NETO2: variants seen among roughly 807,000 people sequenced by gnomAD.
NETO2 encodes the protein neuropilin and tolloid-like protein 2.
In NETO2, 28 loss-of-function variants were observed where a neutral mutation model predicts 62.5. The observed-to-expected ratio is 0.45, with a 90% CI of 0.33 to 0.61. NETO2 has a LOEUF of 0.61. Among genes scored for constraint, NETO2 ranks in the 20% least tolerant of loss-of-function variants. NETO2 has a pLI of 0.02. For synonymous variants in NETO2, 214 were observed against 219.1 expected (o/e 0.98, Z 0.21); for missense variants, 548 against 643.2 (o/e 0.85, Z 1.60).
At chr16:47,138,975 G>A (rs1238746321) in intron 1 of NETO2, among the ~76,000 whole-genome samples, 1 of 152,176 alleles carries the variant, frequency 6.6e-6, no homozygotes, top group Non-Finnish European at 1.5e-5. Flanking sequence ...CTGTTGTTCA[G>A]GTCTTGTGAG....
At chr16:47,129,186 A>G in intron 3 of NETO2, 38 bp downstream of exon 3, 1 of 1,590,262 alleles carries the variant, frequency 6.3e-7, no homozygotes. Context: ...TTTACAATAA[A>G]GTAAAAATTC....
chr16:47,108,299 T>C (rs1963715872), intron 7 of NETO2, among the ~76,000 whole-genome samples: 1 of 152,126 alleles, frequency 6.6e-6, no homozygotes, highest in Non-Finnish European at 1.5e-5. Context: ...CAATGGATGC[T>C]AAAATTAGTG....
chr16:47,106,077 T>A (rs1393783404), intron 7 of NETO2, among the ~76,000 whole-genome samples: 1 of 152,106 alleles, frequency 6.6e-6, no homozygotes, highest in Non-Finnish European at 1.5e-5. Context: ...TATTTAGCCT[T>A]AAAAAAGAAT....
At chr16:47,131,209 C>T (rs1444382816) in intron 2 of NETO2, among the ~76,000 whole-genome samples, 1 of 151,966 alleles carries the variant, frequency 6.6e-6, no homozygotes, top group Non-Finnish European at 1.5e-5. Flanking sequence ...GGTACGAGAA[C>T]ACTCAAATAT....
intron 7 of NETO2, among the ~76,000 whole-genome samples, chr16:47,095,749 A>G (rs1328837331): frequency 1.3e-5 from 2 of 152,206 alleles, no homozygotes; most frequent in African/African-American, 2.4e-5. Flanking sequence ...AATAAAGGAT[A>G]GAATGACCAG....
intron 6 of NETO2, among the ~76,000 whole-genome samples, chr16:47,121,980 T>C (rs956391856): frequency 3.3e-5 from 5 of 152,208 alleles, no homozygotes; most frequent in African/African-American, 1.2e-4. Context: ...TATTACCCAA[T>C]CTTTAAATCT....
At chr16:47,132,413 G>A (rs1964284242) in intron 1 of NETO2, among the ~76,000 whole-genome samples, 1 of 151,996 alleles carries the variant, frequency 6.6e-6, no homozygotes, top group Non-Finnish European at 1.5e-5. Context: ...TCTGCAGTGT[G>A]CTATGGCAGT....
At chr16:47,126,364 T>C (rs1356031234) in intron 4 of NETO2, among the ~76,000 whole-genome samples, 2 of 152,184 alleles carry the variant, frequency 1.3e-5, no homozygotes, top group Non-Finnish European at 2.9e-5. Flanking sequence ...TATATGCATA[T>C]TGCTAACTGG....
At chr16:47,100,061 T>C (rs1963509705) in intron 7 of NETO2, among the ~76,000 whole-genome samples, 1 of 152,058 alleles carries the variant, frequency 6.6e-6, no homozygotes, top group African/African-American at 2.4e-5. Flanking sequence ...TAATTGGAGG[T>C]AAAACACTCC....
intron 7 of NETO2, among the ~76,000 whole-genome samples, chr16:47,090,492 A>G (rs1596702346): frequency 1.3e-5 from 2 of 152,318 alleles, no homozygotes; most frequent in East Asian, 1.9e-4. Context: ...AAATAGTGCC[A>G]GTTATGAACT....
At chr16:47,114,481 C>T (rs1963869631) in intron 6 of NETO2, among the ~76,000 whole-genome samples, 1 of 106,316 alleles carries the variant, frequency 9.4e-6, no homozygotes. Flanking sequence ...GATGGAGTCT[C>T]GCTCTGTTGC....
Position 47,078,479 on chromosome 16 carries a change from T to C in NETO2, c.*4742A>G, listed in dbSNP as rs533544255. 3 of 152,380 alleles carry C rather than the reference T, an allele frequency of 2.0e-5. No homozygotes were observed. The East Asian group carries it at 5.8e-4, about 29-fold the overall frequency. The allele number at this position is 152,380 out of a possible 1,614,324, so 9.4% of individuals were successfully genotyped here. On this transcript the variant is annotated 3_prime_UTR_variant, in exon 9 of 9. Coordinates refer to ENST00000562435, the MANE Select transcript of NETO2 (RefSeq NM_018092.5). ...AGTGCATACTAAACATGCACCCTAG[T>C]CATTAGCTTTTTAGGCTTTGGTAGT... is the stretch of plus-strand genomic sequence containing the variant.
At chr16:47,125,687 A>G (rs961977709) in intron 4 of NETO2, among the ~76,000 whole-genome samples, 1 of 152,078 alleles carries the variant, frequency 6.6e-6, no homozygotes, top group African/African-American at 2.4e-5. Context: ...ATAACATAAA[A>G]TTCATAATGT....
chr16:47,133,599 CATAACATAAAATAAA>C (rs1386558806), intron 1 of NETO2, among the ~76,000 whole-genome samples: 6 of 122,524 alleles, frequency 4.9e-5, no homozygotes, highest in Admixed American at 9.7e-5. Flanking sequence ...CATAAAATGA[CATAACATAAAATAAA>C]ATAAAATAAA....
intron 6 of NETO2, 42 bp downstream of exon 6, chr16:47,122,615 T>TCATG: frequency 6.3e-7 from 1 of 1,595,516 alleles, no homozygotes; most frequent in East Asian, 2.2e-5. Flanking sequence ...TCATGCCTTA[T>TCATG]CATGATGTTC....
intron 7 of NETO2, among the ~76,000 whole-genome samples, chr16:47,107,434 C>T (rs992990343): frequency 2.0e-5 from 3 of 152,070 alleles, no homozygotes; most frequent in Non-Finnish European, 4.4e-5. Flanking sequence ...AAGAACTGTA[C>T]GTAAGGTATT....
intron 6 of NETO2, among the ~76,000 whole-genome samples, chr16:47,118,618 CTCTTA>C (rs1469048827): frequency 4.6e-5 from 7 of 152,318 alleles, no homozygotes; most frequent in Admixed American, 2.0e-4. Context: ...TTATAATATT[CTCTTA>C]TGATAGTCTA....
chr16:47,139,323 G>A (rs527943710), intron 1 of NETO2, among the ~76,000 whole-genome samples: 1 of 152,122 alleles, frequency 6.6e-6, no homozygotes, highest in African/African-American at 2.4e-5. Context: ...TTAAATGCGA[G>A]CACAAATCAG....
intron 7 of NETO2, among the ~76,000 whole-genome samples, chr16:47,098,500 C>G (rs1040945811): frequency 5.3e-5 from 8 of 152,124 alleles, no homozygotes; most frequent in African/African-American, 1.9e-4. Flanking sequence ...AAGGAACGAA[C>G]AAAGTCTCTA....
Sources: gnomAD v4.1 joint callset for allele counts (sites outside exome capture counted in the v4.1 genomes callset) on GRCh38, gnomAD v4.1.1 for gene constraint, MANE v1.5 for transcripts, NCBI Gene and HGNC (gene_info 2026-07-23, HGNC 2026-07-21) for gene names.